Variants in MTM1 observed in about 807,000 individuals in gnomAD.
The protein encoded by MTM1 is myotubularin 1.
MTM1 carries 9 observed loss-of-function variants against 52.1 expected under a neutral mutation model. The ratio of observed to expected loss-of-function variants is 0.17; its 90% CI spans 0.10 to 0.30. The LOEUF (loss-of-function observed/expected upper bound fraction) is 0.30, where lower values mean the gene tolerates loss of function less well. Ranked by LOEUF, MTM1 falls within the 10% of genes least tolerant of loss-of-function variation. The pLI is 1.00. For missense variants in MTM1, 277 were observed against 470.7 expected (o/e 0.59, Z 3.81); for synonymous variants, 136 against 163.8 (o/e 0.83, Z 1.29).
chrX:150,652,604 C>CATATATATATATACATATATATACAT (rs201667752), intron 10 of MTM1, among the ~76,000 whole-genome samples: 1 of 92,133 alleles, frequency 1.1e-5, no homozygotes, highest in Non-Finnish European at 2.1e-5. Flanking sequence ...TATATATATA[C>CATATATATATATACATATATATACAT]ATATATATAT....
chrX:150,670,562 A>G (rs1464025349), intron 14 of MTM1, among the ~76,000 whole-genome samples: 2 of 112,045 alleles, frequency 1.8e-5, no homozygotes, highest in Non-Finnish European at 3.8e-5. Context: ...ACCGTGACAT[A>G]CCATGTCACA....
chrX:150,619,007 C>T, intron 5 of MTM1, 31 bp from the exon 6 acceptor site: 1 of 1,040,969 alleles, frequency 9.6e-7, no homozygotes, highest in Non-Finnish European at 1.4e-6. Context: ...TCTTTGAAGA[C>T]TGAACTGTCA....
intron 6 of MTM1, among the ~76,000 whole-genome samples, chrX:150,624,162 A>G (rs2039527230): frequency 8.9e-6 from 1 of 112,126 alleles, no homozygotes. Context: ...CCAAACCATT[A>G]ACTTCATTGT....
chrX:150,571,106 ACT>A (rs782538601), intron 1 of MTM1, among the ~76,000 whole-genome samples: 41 of 111,998 alleles, frequency 3.7e-4, no homozygotes, highest in Non-Finnish European at 7.0e-4. Flanking sequence ...AAAAGTGGAG[ACT>A]CTCAACGATT....
chrX:150,568,132 A>G (rs997716825), upstream of MTM1, among the ~76,000 whole-genome samples: 2 of 112,472 alleles, frequency 1.8e-5, no homozygotes, highest in African/African-American at 6.5e-5. Context: ...CCCTTATACT[A>G]TCTCAACTTT....
rs782669479 is a variant in MTM1 at position 150,663,627 on chromosome X, G to A, written c.1644+18G>A. 17 of 1,183,452 alleles carry A rather than the reference G, an allele frequency of 1.4e-5. No homozygotes were observed. In the South Asian group the frequency reaches 3.0e-4, roughly 21 times the overall value. ...AGCAACAAGTAAGTGAAGTAGCACT[G>A]TTAAAAGATAGCAATGTCAACTGCT... On this transcript the variant is annotated intron_variant, in intron 14 of 14. Transcript: ENST00000370396.
At chrX:150,645,127 A>G (rs2039908064) in intron 8 of MTM1, among the ~76,000 whole-genome samples, 1 of 111,690 alleles carries the variant, frequency 9.0e-6, no homozygotes, top group Admixed American at 9.5e-5. Flanking sequence ...TCTCCTAGGC[A>G]TTGGATGTCC....
chrX:150,634,204 A>G (rs1300141369), intron 6 of MTM1, among the ~76,000 whole-genome samples: 2 of 112,439 alleles, frequency 1.8e-5, no homozygotes, highest in Admixed American at 1.9e-4. Context: ...TAGTTTATCA[A>G]TTTATTCCCC....
intron 4 of MTM1, among the ~76,000 whole-genome samples, chrX:150,603,779 G>A (rs782093625): frequency 1.8e-5 from 2 of 111,969 alleles, no homozygotes; most frequent in Non-Finnish European, 3.8e-5. Context: ...CATATTGGTA[G>A]CACTAAAGAC....
chrX:150,591,031 A>G, intron 1 of MTM1: 1 of 750,840 alleles, frequency 1.3e-6, no homozygotes, highest in Non-Finnish European at 1.6e-6. Context: ...TTGCTTGGAC[A>G]TGAACTTAAG....
intron 1 of MTM1, among the ~76,000 whole-genome samples, chrX:150,570,360 A>T (rs782085708): frequency 3.6e-5 from 4 of 111,940 alleles, no homozygotes; most frequent in Non-Finnish European, 7.5e-5. Flanking sequence ...ATTACTTTGA[A>T]TTTCTAGTTT....
intron 4 of MTM1, among the ~76,000 whole-genome samples, chrX:150,608,302 A>G (rs2039206403): frequency 9.0e-6 from 1 of 111,093 alleles, no homozygotes; most frequent in Non-Finnish European, 1.9e-5. Flanking sequence ...CACTGCAGCC[A>G]TGACCTCCTG....
chrX:150,571,726 C>T (rs902196753), intron 1 of MTM1, among the ~76,000 whole-genome samples: 6 of 112,326 alleles, frequency 5.3e-5, no homozygotes, highest in Non-Finnish European at 1.1e-4. Context: ...TTCCAGGCGA[C>T]GCTGGCAGCA....
chrX:150,647,767 C>G (rs1186981175), intron 9 of MTM1, among the ~76,000 whole-genome samples: 1 of 111,700 alleles, frequency 9.0e-6, no homozygotes, highest in Non-Finnish European at 1.9e-5. Flanking sequence ...TTTACATCCC[C>G]AGATGCAACA....
chrX:150,643,743 A>C (rs950050155), intron 8 of MTM1, among the ~76,000 whole-genome samples: 2 of 111,910 alleles, frequency 1.8e-5, no homozygotes, highest in Admixed American at 9.5e-5. Flanking sequence ...CTTCTGCTTA[A>C]TCTTTTGCTA....
intron 13 of MTM1, 97 bp downstream of exon 13, chrX:150,660,581 G>A (rs1271486214): frequency 1.8e-6 from 1 of 556,668 alleles, no homozygotes; most frequent in African/African-American, 2.3e-5. Flanking sequence ...GTAAGACACT[G>A]TCTTTGACCT....
At chrX:150,639,540 CTT>C (rs1448744689) in intron 7 of MTM1, among the ~76,000 whole-genome samples, 2 of 112,240 alleles carry the variant, frequency 1.8e-5, no homozygotes, top group East Asian at 5.6e-4. Context: ...TTACTGTTCT[CTT>C]ATATGAATGT....
intron 1 of MTM1, among the ~76,000 whole-genome samples, chrX:150,586,229 C>T (rs1557412249): frequency 8.9e-6 from 1 of 111,820 alleles, no homozygotes; most frequent in Non-Finnish European, 1.9e-5. Context: ...TTGAAGTGAC[C>T]AAGACAAATC....
chrX:150,625,698 C>T (rs1748901736), intron 6 of MTM1, among the ~76,000 whole-genome samples: 1 of 112,447 alleles, frequency 8.9e-6, no homozygotes, highest in Admixed American at 9.4e-5. Flanking sequence ...TTGCACTTGC[C>T]GCTTTCCTTT....
Sources: gnomAD v4.1 joint callset for allele counts (sites outside exome capture counted in the v4.1 genomes callset) on GRCh38, gnomAD v4.1.1 for gene constraint, MANE v1.5 for transcripts, NCBI Gene and HGNC (gene_info 2026-07-23, HGNC 2026-07-21) for gene names.